The following RGS8 variants were observed in gnomAD, a reference collection of about 807,000 sequenced individuals.
RGS8 encodes the protein regulator of G protein signaling 8.
RGS8 carries 8 observed loss-of-function variants against 21.7 expected under a neutral mutation model. That is an observed-to-expected ratio of 0.37 (90% CI 0.22 to 0.66). The LOEUF (loss-of-function observed/expected upper bound fraction) is 0.66. Among genes scored for constraint, RGS8 ranks in the 30% least tolerant of loss-of-function variants. The pLI is 0.59. For missense variants in RGS8, 157 were observed against 217.9 expected (o/e 0.72, Z 1.76); for synonymous variants, 80 against 83.6 (o/e 0.96, Z 0.24).
intron 1 of RGS8, among the ~76,000 whole-genome samples, chr1:182,682,788 C>T (rs917804128): frequency 6.6e-6 from 1 of 152,186 alleles, no homozygotes; most frequent in African/African-American, 2.4e-5. Flanking sequence ...CTGAGATCCA[C>T]ACTTGGAGGG....
chr1:182,697,882 C>A, the RGS8 span, among the ~76,000 whole-genome samples: 1 of 152,084 alleles, frequency 6.6e-6, no homozygotes, highest in Non-Finnish European at 1.5e-5. Context: ...GTTGCAAATG[C>A]CAATTGAGTG....
chr1:182,751,432 T>C, the RGS8 span, among the ~76,000 whole-genome samples: 57 of 152,162 alleles, frequency 3.7e-4, no homozygotes, highest in Non-Finnish European at 1.0e-4. Context: ...GTACAGTGTT[T>C]AATAAGACAG....
At chr1:182,723,540 G>C in the RGS8 span, among the ~76,000 whole-genome samples, 2 of 152,232 alleles carry the variant, frequency 1.3e-5, no homozygotes, top group East Asian at 3.8e-4. Flanking sequence ...AAATGGAAGA[G>C]AGTGCTTAAG....
the RGS8 span, among the ~76,000 whole-genome samples, chr1:182,736,039 A>G: frequency 1.3e-5 from 2 of 152,208 alleles, no homozygotes; most frequent in Non-Finnish European, 2.9e-5. Flanking sequence ...TGCTTACTTA[A>G]TATCATTTTT....
intron 5 of RGS8, 100 bp downstream of exon 6, chr1:182,665,869 A>T: frequency 1.0e-6 from 1 of 966,884 alleles, no homozygotes; most frequent in Non-Finnish European, 1.6e-6. Flanking sequence ...GAGGTCTGGA[A>T]CACCTAGTAC....
chr1:182,693,707 C>A, the RGS8 span, among the ~76,000 whole-genome samples: 1 of 152,158 alleles, frequency 6.6e-6, no homozygotes, highest in Non-Finnish European at 1.5e-5. Context: ...ATAGCAAAGA[C>A]ATGGAATTAA....
chr1:182,707,094 G>A, the RGS8 span, among the ~76,000 whole-genome samples: 7 of 152,158 alleles, frequency 4.6e-5, no homozygotes, highest in Non-Finnish European at 8.8e-5. Flanking sequence ...GGAGGTGGAG[G>A]TTGCATTGAG....
chr1:182,644,225 A>G (rs1447407886), downstream of RGS8: 3 of 152,220 alleles, frequency 2.0e-5, no homozygotes, highest in Non-Finnish European at 4.4e-5. Context: ...TAGGCATCAG[A>G]GTGGAGAGCT....
At chr1:182,679,115 T>G (rs1664460485) in intron 1 of RGS8, among the ~76,000 whole-genome samples, 1 of 152,214 alleles carries the variant, frequency 6.6e-6, no homozygotes, top group African/African-American at 2.4e-5. Flanking sequence ...TCACATGTTA[T>G]TCTGCACTTA....
chr1:182,646,602 T>C, exon 7 of RGS8: 1 of 766,440 alleles, frequency 1.3e-6, no homozygotes, highest in Non-Finnish European at 2.1e-6. Flanking sequence ...TGGCCCTTCA[T>C]TCCCTCCTCA....
intron 2 of RGS8, among the ~76,000 whole-genome samples, chr1:182,671,259 G>T (rs1030155176): frequency 6.6e-6 from 1 of 152,146 alleles, no homozygotes; most frequent in African/African-American, 2.4e-5. Flanking sequence ...ATAAGAATCA[G>T]CAGGACACTC....
chr1:182,706,525 GGT>G, the RGS8 span, among the ~76,000 whole-genome samples: 4 of 151,950 alleles, frequency 2.6e-5, no homozygotes, highest in South Asian at 8.3e-4. Context: ...GGAGTACAGT[GGT>G]ACGATCTCAG....
At chr1:182,749,222 C>T in the RGS8 span, among the ~76,000 whole-genome samples, 63 of 152,320 alleles carry the variant, frequency 4.1e-4, no homozygotes, top group African/African-American at 1.3e-3. Context: ...TTCATAGCTT[C>T]AGGTCTTACA....
intron 5 of RGS8, among the ~76,000 whole-genome samples, chr1:182,652,312 C>T (rs1321024698): frequency 3.3e-5 from 5 of 152,180 alleles, no homozygotes; most frequent in Non-Finnish European, 7.3e-5. Flanking sequence ...GTAAAGATAG[C>T]CTTGCTAAGG....
the RGS8 span, among the ~76,000 whole-genome samples, chr1:182,708,277 C>T: frequency 6.6e-6 from 1 of 152,192 alleles, no homozygotes; most frequent in African/African-American, 2.4e-5. Flanking sequence ...AAGCCTCATC[C>T]CTTCACAATG....
At chr1:182,732,267 T>TA in the RGS8 span, among the ~76,000 whole-genome samples, 2,731 of 132,972 alleles carry the variant, frequency 0.021, 35 homozygotes, top group Middle Eastern at 0.039. Context: ...TCGCTCTCTC[T>TA]CTCATACACA....
intron 1 of RGS8, among the ~76,000 whole-genome samples, chr1:182,678,982 C>T (rs1571354863): frequency 6.6e-6 from 1 of 152,304 alleles, no homozygotes; most frequent in East Asian, 1.9e-4. Context: ...ATTACACACA[C>T]CCTGACCTCC....
At chr1:182,708,613 G>C in the RGS8 span, among the ~76,000 whole-genome samples, 1 of 152,238 alleles carries the variant, frequency 6.6e-6, no homozygotes, top group African/African-American at 2.4e-5. Context: ...GCCTTAGCAC[G>C]GCTCCATCTC....
the RGS8 span, among the ~76,000 whole-genome samples, chr1:182,710,072 C>T: frequency 2.0e-5 from 3 of 152,092 alleles, no homozygotes; most frequent in Non-Finnish European, 2.9e-5. Context: ...GGCCACATAC[C>T]CATCCTTTTT....
Sources: gnomAD v4.1 joint callset for allele counts (sites outside exome capture counted in the v4.1 genomes callset) on GRCh38, gnomAD v4.1.1 for gene constraint, MANE v1.5 for transcripts, NCBI Gene and HGNC (gene_info 2026-07-23, HGNC 2026-07-21) for gene names.